Variants in EXOC7 observed in about 807,000 individuals in gnomAD.
The protein encoded by EXOC7 is exocyst complex component 7.
In EXOC7, 51 loss-of-function variants were observed where a neutral mutation model predicts 87.6. The observed-to-expected ratio is 0.58, with a 90% CI of 0.46 to 0.73. EXOC7 has a LOEUF of 0.73. EXOC7 is among the 30% of genes least tolerant of loss of function. The pLI is 0.00. For missense variants in EXOC7, 744 were observed against 888.4 expected (o/e 0.84, Z 2.07); for synonymous variants, 327 against 357.1 (o/e 0.92, Z 0.95).
intron 5 of EXOC7, among the ~76,000 whole-genome samples, chr17:76,095,582 C>T (rs1366600700): frequency 6.6e-6 from 1 of 152,076 alleles, no homozygotes; most frequent in Non-Finnish European, 1.5e-5. Context: ...ACATCTTTAG[C>T]CATTAATAAA....
In EXOC7 at chr17:76,084,268, T is replaced by C; in HGVS notation, c.1798A>G (p.Ile600Val). 1.9e-6 allele frequency: 3 copies of C among 1,613,488 alleles called. No homozygotes were observed. Among genetic ancestry groups the C allele is most frequent in the Non-Finnish European group, 2.5e-6 (3 of 1,179,986 alleles). ...GVKLRDKERQ[I>V]IKERFKGFND... ...CTCACCTTAAAACGCTCCTTGATAA[T>C]CTGCCGCTCCTTGTCCCGGAGCTGG... Residue 600 changes from isoleucine to valine, a missense_variant, in exon 17 of 19, where the codon ATT becomes GTT. Physicochemically the swap from Ile to Val is conservative, Grantham distance 29 (BLOSUM62 3). Coordinates refer to ENST00000589210, the MANE Select transcript of EXOC7 (RefSeq NM_001013839.4).
In EXOC7 at chr17:76,101,295, T is replaced by C. The variant is rs1184611104; in HGVS notation, c.393A>G (p.Pro131=). 1 of 1,614,102 alleles carries C rather than the reference T, an allele frequency of 6.2e-7. No homozygotes were observed. The highest frequency in any genetic ancestry group is 8.5e-7 in the Non-Finnish European group (1 of 1,180,032). Residue 131 remains proline, a synonymous_variant, in exon 4 of 19, where the codon CCA becomes CCG. Transcript: ENST00000589210. ...CCACTTTGTTGAGTTCCGGGCTGTC[T>C]GGGCTGTTGTCCTGGAAATACTCCA... The part of the protein sequence containing the change: ...KAVEYFQDNS[P]DSPELNKVKL...
chr17:76,089,066 G>A (rs2067351032), intron 8 of EXOC7, 109 bp downstream of exon 8: 30 of 1,539,660 alleles, frequency 1.9e-5, no homozygotes, highest in Middle Eastern at 2.0e-4. Context: ...ACCCAGGACC[G>A]GTCCCCAGGG....
chr17:76,088,032 C>G (rs368308923), intron 11 of EXOC7, 28 bp downstream of exon 11: 3 of 1,613,452 alleles, frequency 1.9e-6, no homozygotes, highest in African/African-American at 1.3e-5. Flanking sequence ...TTCCTCCCCT[C>G]TCCCTGGTGT....
intron 13 of EXOC7, 49 bp downstream of exon 13, chr17:76,086,031 C>T (rs113971550): frequency 6.2e-7 from 1 of 1,600,820 alleles, no homozygotes; most frequent in African/African-American, 1.3e-5. Flanking sequence ...AAGGGAAAGG[C>T]AGGGCATGCA....
chr17:76,089,007 G>C (rs1417396915), intron 8 of EXOC7, 84 bp from the exon 9 acceptor site: 3 of 1,486,528 alleles, frequency 2.0e-6, no homozygotes, highest in Non-Finnish European at 2.8e-6. Flanking sequence ...GCAGTATGTA[G>C]GGGGGCCAGT....
chr17:76,088,185 C>T (rs1418164767), intron 10 of EXOC7, 63 bp from the exon 11 acceptor site: 2 of 1,541,698 alleles, frequency 1.3e-6, no homozygotes, highest in Non-Finnish European at 1.8e-6. Context: ...CCCCAGTGCA[C>T]CTGCTCATGG....
intron 6 of EXOC7, 52 bp downstream of exon 6, chr17:76,094,362 A>T: frequency 6.4e-7 from 1 of 1,574,576 alleles, no homozygotes; most frequent in Non-Finnish European, 8.6e-7. Flanking sequence ...AAAGCAGTAC[A>T]GTCCCAGTCA....
intron 7 of EXOC7, 193 bp downstream of exon 7, chr17:76,090,948 CAG>C: frequency 1.6e-6 from 1 of 619,590 alleles, no homozygotes; most frequent in Admixed American, 2.8e-5. Context: ...TGCCATCAGC[CAG>C]AGAGGACCAG....
At chr17:76,096,117 C>G (rs1318834063) in intron 5 of EXOC7, among the ~76,000 whole-genome samples, 1 of 152,142 alleles carries the variant, frequency 6.6e-6, no homozygotes, top group Admixed American at 6.5e-5. Flanking sequence ...TCAGATACAT[C>G]GCGGCCGTGA....
intron 9 of EXOC7, 49 bp from the exon 10 acceptor site, chr17:76,088,611 G>A (rs2067323622): frequency 6.2e-7 from 1 of 1,600,464 alleles, no homozygotes; most frequent in Non-Finnish European, 8.6e-7. Flanking sequence ...CGCTCTGTGA[G>A]CATCTCACTC....
intron 6 of EXOC7, among the ~76,000 whole-genome samples, chr17:76,091,916 G>A (rs145506754): frequency 6.6e-6 from 1 of 152,218 alleles, no homozygotes; most frequent in African/African-American, 2.4e-5. Flanking sequence ...GGTGTGCACG[G>A]AAGGAGAGGG....
Position 76,083,421 on chromosome 17 carries a change from AGGGACCCCAGGCT to A in EXOC7, c.*214_*226del. 2 of 558,488 alleles carry A rather than the reference AGGGACCCCAGGCT, an allele frequency of 3.6e-6. No homozygotes were observed. The highest frequency in any genetic ancestry group is 3.1e-5 in the Admixed American group (1 of 32,568). 34.6% of individuals were successfully genotyped at this position (558,488 alleles called of 1,614,324 possible). Reference sequence around the variant, plus strand: ...CAGGGTCATAAAAGCCAAGGTGTGGAGGGACCCCAGGCTTCCGGGAGAGTGCTGGTTCGGCTGG... The same window carrying A: ...CAGGGTCATAAAAGCCAAGGTGTGGATCCGGGAGAGTGCTGGTTCGGCTGG... On this transcript the variant is annotated 3_prime_UTR_variant, in exon 19 of 19. Coordinates refer to ENST00000589210, the MANE Select transcript of EXOC7 (RefSeq NM_001013839.4).
chr17:76,088,676 C>T, intron 9 of EXOC7, 95 bp downstream of exon 9: 3 of 1,598,242 alleles, frequency 1.9e-6, no homozygotes, highest in African/African-American at 1.3e-5. Context: ...AAGTGTGGGA[C>T]AGAGAATGGG....
intron 18 of EXOC7, 108 bp downstream of exon 18, chr17:76,083,898 G>T: frequency 6.7e-7 from 1 of 1,481,988 alleles, no homozygotes; most frequent in Non-Finnish European, 9.0e-7. Context: ...CGCTGGATCT[G>T]CTGCCTAAAT....
At position 76,082,438 on chromosome 17, in the gene EXOC7, C is replaced by T. The variant is rs752471164; in HGVS notation, c.*1210G>A. ...GTTGAGGGGACCTTGAAGAACAGCT[C>T]CTTTCCCTGTATCTCTCCCCACAGA... On this transcript the variant is annotated 3_prime_UTR_variant, in exon 19 of 19. Coordinates refer to ENST00000589210, the MANE Select transcript of EXOC7 (RefSeq NM_001013839.4). The T allele has an allele frequency of 1.9e-6, 3 of 1,577,440 alleles. No individual in the cohort carries two copies. The highest frequency in any genetic ancestry group is 1.4e-5 in the African/African-American group (1 of 73,716).
intron 7 of EXOC7, chr17:76,089,628 C>A: frequency 2.3e-6 from 1 of 435,098 alleles, no homozygotes; most frequent in Non-Finnish European, 4.3e-6. Context: ...GAATCAGCGT[C>A]CTGGATAAGG....
rs148282649 is a variant in EXOC7, at chr17:76,091,560, G to A, written c.809-325C>T. The A allele has an allele frequency of 7.1e-4, 188 of 266,580 alleles. 1 individual carries two copies. Among genetic ancestry groups the A allele is most frequent in the South Asian group, 1.5e-3 (32 of 21,100 alleles). 16.5% of individuals were successfully genotyped at this position (266,580 alleles called of 1,614,324 possible). On this transcript the variant is annotated intron_variant, in intron 6 of 18. Coordinates refer to ENST00000589210, the MANE Select transcript of EXOC7 (RefSeq NM_001013839.4). ...GAGTGGCATCATAATCAGAACAGGC[G>A]AGGGCTCAGGTCGGAGGAGCCCGTG...
chr17:76,086,762 C>T lies in EXOC7; in HGVS notation c.1430-617G>A. The T allele has an allele frequency of 7.7e-6, 9 of 1,172,826 alleles. 1 individual carries two copies. The South Asian group carries it at 1.2e-4, about 16-fold the overall frequency. The allele number at this position is 1,172,826 out of a possible 1,614,324, so 72.7% of individuals were successfully genotyped here. On this transcript the variant is annotated intron_variant, in intron 12 of 18. Coordinates refer to ENST00000589210, the MANE Select transcript of EXOC7 (RefSeq NM_001013839.4). ...AAACTCATGTCCCCTCTGACTCAGG[C>T]TCCCCAGTAGGTACTGAGAGTCAGT...
Sources: allele counts gnomAD v4.1 joint callset (sites outside exome capture counted in the v4.1 genomes callset), GRCh38; gene constraint gnomAD v4.1.1; transcripts MANE v1.5; gene names NCBI Gene and HGNC (gene_info 2026-07-23, HGNC 2026-07-21).